The following DNM3 variants were observed in gnomAD, a reference collection of about 807,000 sequenced individuals.
DNM3 encodes the protein dynamin-3.
Under a neutral mutation model 101.6 loss-of-function variants are expected in DNM3, and 47 were observed. The observed-to-expected ratio is 0.46, with a 90% CI of 0.37 to 0.59. The LOEUF is 0.59. DNM3 is among the 20% of genes least tolerant of loss of function. The probability of loss-of-function intolerance (pLI) is 0.00; values close to 1 mark genes in which losing one functional copy is unlikely to be tolerated. For missense variants in DNM3, 849 were observed against 1,085.7 expected (o/e 0.78, Z 3.06); for synonymous variants, 385 against 387.9 (o/e 0.99, Z 0.09).
At chr1:172,011,412 C>G (rs2047116619) in intron 4 of DNM3, among the ~76,000 whole-genome samples, 2 of 151,946 alleles carry the variant, frequency 1.3e-5, no homozygotes, top group Admixed American at 1.3e-4. Flanking sequence ...CACTGTCCTG[C>G]AAAGTCTAGT....
At chr1:172,405,604 C>A (rs75413588) in intron 20 of DNM3, among the ~76,000 whole-genome samples, 12,905 of 152,050 alleles carry the variant, frequency 0.085, 733 homozygotes, top group South Asian at 0.18. Context: ...AATTTGTAGT[C>A]TAAAATCAAC....
chr1:171,904,814 C>T (rs72713734), intron 1 of DNM3, among the ~76,000 whole-genome samples: 3,179 of 152,052 alleles, frequency 0.021, 51 homozygotes, highest in Middle Eastern at 0.041. Context: ...TAACTTGGTA[C>T]GGAGGCTGAG....
chr1:172,307,388 G>A (rs2064878415), intron 15 of DNM3, among the ~76,000 whole-genome samples: 1 of 152,212 alleles, frequency 6.6e-6, no homozygotes. Flanking sequence ...ATGCTGGAGA[G>A]GATGTGGAGA....
At chr1:172,333,929 G>T (rs937704768) in intron 17 of DNM3, among the ~76,000 whole-genome samples, 1 of 152,072 alleles carries the variant, frequency 6.6e-6, no homozygotes, top group African/African-American at 2.4e-5. Context: ...CTTCTTTGAC[G>T]TAATTAGCCA....
Position 172,412,252 on chromosome 1 carries a change from G to C in DNM3, c.*4411G>C, listed in dbSNP as rs1157495464. On this transcript the variant is annotated 3_prime_UTR_variant, in exon 21 of 21. Transcript: ENST00000627582. ...TTTACTCTTGAATTCCTTAAACTTC[G>C]CTCATTATGAAATGTTTTAAAATTA... 1.0e-6 allele frequency: 1 copy of C among 984,970 alleles called. No individual in the cohort carries two copies. Among genetic ancestry groups the C allele is most frequent in the South Asian group, 4.7e-5 (1 of 21,284 alleles). 61.0% of individuals were successfully genotyped at this position (984,970 alleles called of 1,614,324 possible). A position where few individuals can be genotyped will look rare whatever the true frequency, so the allele number is the denominator to read the frequency against.
At chr1:172,395,077 C>T (rs910010843) in intron 20 of DNM3, among the ~76,000 whole-genome samples, 2 of 152,122 alleles carry the variant, frequency 1.3e-5, no homozygotes, top group Admixed American at 6.5e-5. Context: ...TGACATTGCT[C>T]ATAGCTCTTT....
chr1:172,323,521 C>T (rs1389597945), intron 17 of DNM3, among the ~76,000 whole-genome samples, 181 bp downstream of exon 17: 1 of 152,078 alleles, frequency 6.6e-6, no homozygotes, highest in Admixed American at 6.6e-5. Context: ...ATGGCTGTTC[C>T]GTTTTGACTT....
chr1:172,082,977 G>A (rs144360231), intron 12 of DNM3, among the ~76,000 whole-genome samples: 37 of 152,336 alleles, frequency 2.4e-4, no homozygotes, highest in Admixed American at 5.9e-4. Flanking sequence ...TGTGGCATAC[G>A]TGTATTCTTG....
chr1:172,283,070 AG>A (rs1246350184), intron 15 of DNM3, among the ~76,000 whole-genome samples: 4 of 152,202 alleles, frequency 2.6e-5, no homozygotes, highest in African/African-American at 9.6e-5. Flanking sequence ...TGATTGTCAG[AG>A]GCTTCTTTGC....
chr1:172,102,070 G>A (rs144497815), intron 13 of DNM3, among the ~76,000 whole-genome samples: 5,472 of 151,996 alleles, frequency 0.036, 225 homozygotes, highest in East Asian at 0.13. Context: ...TGTTGGCCAG[G>A]CTGGTCTTGA....
At chr1:171,991,084 A>C (rs1186325134) in intron 4 of DNM3, among the ~76,000 whole-genome samples, 1 of 152,164 alleles carries the variant, frequency 6.6e-6, no homozygotes, top group Non-Finnish European at 1.5e-5. Context: ...GTCCACACGT[A>C]GTCCACGTAG....
intron 17 of DNM3, 131 bp from the exon 18 acceptor site, chr1:172,378,886 TA>T: frequency 1.9e-6 from 2 of 1,064,702 alleles, no homozygotes; most frequent in Non-Finnish European, 2.6e-6. Flanking sequence ...ATGCATAAGA[TA>T]AAAATGTTAC....
chr1:172,001,927 T>C (rs1274554140), intron 4 of DNM3, among the ~76,000 whole-genome samples: 1 of 152,086 alleles, frequency 6.6e-6, no homozygotes, highest in Non-Finnish European at 1.5e-5. Flanking sequence ...AGATATCCAA[T>C]CTGCTGTCTG....
At chr1:172,200,871 C>T (rs1345255118) in intron 14 of DNM3, among the ~76,000 whole-genome samples, 1 of 152,042 alleles carries the variant, frequency 6.6e-6, no homozygotes, top group Non-Finnish European at 1.5e-5. Context: ...TGTTCCTGTC[C>T]ATATTCTGAA....
chr1:172,382,307 T>C (rs1401436272), intron 18 of DNM3, among the ~76,000 whole-genome samples: 2 of 152,158 alleles, frequency 1.3e-5, no homozygotes, highest in Admixed American at 6.5e-5. Context: ...GGTAAGCCCA[T>C]TTGGATGGCC....
intron 4 of DNM3, among the ~76,000 whole-genome samples, chr1:172,030,742 G>T (rs138061773): frequency 0.015 from 2,322 of 152,186 alleles, 57 homozygotes; most frequent in African/African-American, 0.053. Context: ...GTGGGCAAAG[G>T]TTATGAACAG....
At chr1:172,266,537 A>T (rs1283859402) in intron 15 of DNM3, among the ~76,000 whole-genome samples, 1 of 152,146 alleles carries the variant, frequency 6.6e-6, no homozygotes, top group Non-Finnish European at 1.5e-5. Flanking sequence ...ATTTTATTTC[A>T]TTTTTATCCC....
At position 172,131,956 on chromosome 1, in the gene DNM3, G is replaced by A. The variant is rs79241558; in HGVS notation, c.1659+668G>A. ...ACAAAAAACTTATATTAGTCTTACA[G>A]AACCATTTAAGTGCTAGAAATCGAT... On this transcript the variant is annotated intron_variant, in intron 14 of 20. Coordinates refer to ENST00000627582, the MANE Select transcript of DNM3 (RefSeq NM_015569.5). 1,546 of 181,266 alleles carry A rather than the reference G, an allele frequency of 8.5e-3. 24 individuals are homozygous for A. The highest frequency in any genetic ancestry group is 0.033 in the African/African-American group (1,391 of 41,846). The allele number at this position is 181,266 out of a possible 1,614,324, so 11.2% of individuals were successfully genotyped here. A position where few individuals can be genotyped will look rare whatever the true frequency, so the allele number is the denominator to read the frequency against.
At chr1:171,869,726 T>G (rs2035099307) in intron 1 of DNM3, among the ~76,000 whole-genome samples, 1 of 152,230 alleles carries the variant, frequency 6.6e-6, no homozygotes, top group African/African-American at 2.4e-5. Flanking sequence ...CCTGCCTTAT[T>G]GTTATTGTTT....
Sources: gnomAD v4.1 joint callset for allele counts (sites outside exome capture counted in the v4.1 genomes callset) on GRCh38, gnomAD v4.1.1 for gene constraint, MANE v1.5 for transcripts, NCBI Gene and HGNC (gene_info 2026-07-23, HGNC 2026-07-21) for gene names.